Variants in ARHGAP26 observed in about 807,000 individuals in gnomAD.
ARHGAP26 encodes the protein rho GTPase-activating protein 26.
A neutral mutation model predicts 104.8 loss-of-function variants in ARHGAP26; 38 were observed. The observed-to-expected ratio is 0.36, with a 90% CI of 0.28 to 0.48. The LOEUF is 0.48. Among genes scored for constraint, ARHGAP26 ranks in the 20% least tolerant of loss-of-function variants. ARHGAP26 has a pLI of 0.99. For synonymous variants in ARHGAP26, 341 were observed against 340.0 expected (o/e 1.00, Z -0.03); for missense variants, 704 against 947.9 (o/e 0.74, Z 3.38).
intron 1 of ARHGAP26, among the ~76,000 whole-genome samples, chr5:142,782,191 G>A (rs1757654280): frequency 6.6e-6 from 1 of 152,144 alleles, no homozygotes; most frequent in Admixed American, 6.5e-5. Flanking sequence ...GTGTGTGATG[G>A]GGGATACAGA....
At chr5:142,907,878 A>T in intron 9 of ARHGAP26, 74 bp downstream of exon 9, 1 of 999,854 alleles carries the variant, frequency 1.0e-6, no homozygotes, top group Non-Finnish European at 1.5e-6. Context: ...TGTATAAAGT[A>T]ACACCTCCAG....
At chr5:143,094,325 G>T (rs185693074) in intron 17 of ARHGAP26, among the ~76,000 whole-genome samples, 1 of 152,208 alleles carries the variant, frequency 6.6e-6, no homozygotes, top group Non-Finnish European at 1.5e-5. Flanking sequence ...GATCCTTTAA[G>T]CTAGGTTGCT....
At chr5:143,111,304 C>T (rs916929220) in intron 17 of ARHGAP26, among the ~76,000 whole-genome samples, 1 of 152,196 alleles carries the variant, frequency 6.6e-6, no homozygotes, top group African/African-American at 2.4e-5. Flanking sequence ...GTATCTCTCC[C>T]TCTGTCTGTC....
intron 22 of ARHGAP26, chr5:143,216,318 C>G (rs1205430500): frequency 4.2e-6 from 2 of 470,844 alleles, no homozygotes; most frequent in Middle Eastern, 3.3e-4. Context: ...GCCATAACCC[C>G]CTCTTTACAG....
chr5:142,804,798 G>A (rs567165240), intron 1 of ARHGAP26, among the ~76,000 whole-genome samples: 2 of 152,166 alleles, frequency 1.3e-5, no homozygotes, highest in Admixed American at 1.3e-4. Flanking sequence ...GGGCTGAACA[G>A]ATTTTTTTTT....
At chr5:143,048,043 T>C (rs1254264912) in intron 14 of ARHGAP26, among the ~76,000 whole-genome samples, 1 of 152,060 alleles carries the variant, frequency 6.6e-6, no homozygotes, top group African/African-American at 2.4e-5. Context: ...GAGTCAAGGT[T>C]TCACCATGTT....
intron 12 of ARHGAP26, 177 bp downstream of exon 12, chr5:143,014,293 G>A (rs888720250): frequency 1.4e-5 from 9 of 654,908 alleles, no homozygotes; most frequent in East Asian, 1.4e-4. Flanking sequence ...CCAGAGGGAC[G>A]GTAAGTGAGC....
At chr5:143,213,903 T>C (rs960224866) in intron 21 of ARHGAP26, 94 bp from the exon 22 acceptor site, 1 of 767,334 alleles carries the variant, frequency 1.3e-6, no homozygotes, top group Non-Finnish European at 2.1e-6. Flanking sequence ...GGGGACTAGG[T>C]AGCTTACAGG....
chr5:142,847,253 A>G (rs1355810126), intron 1 of ARHGAP26, among the ~76,000 whole-genome samples: 3 of 152,234 alleles, frequency 2.0e-5, no homozygotes, highest in African/African-American at 7.2e-5. Flanking sequence ...TTTTAAAATT[A>G]CTATTATTAG....
At chr5:142,929,397 G>A (rs1463361675) in intron 10 of ARHGAP26, among the ~76,000 whole-genome samples, 3 of 152,330 alleles carry the variant, frequency 2.0e-5, no homozygotes, top group Middle Eastern at 3.4e-3. Context: ...GTGGAGGGTC[G>A]TTGAGGGTTT....
At chr5:142,999,042 A>G (rs1029587741) in intron 11 of ARHGAP26, among the ~76,000 whole-genome samples, 3 of 152,230 alleles carry the variant, frequency 2.0e-5, no homozygotes, top group Non-Finnish European at 4.4e-5. Context: ...AAAGGGGTTC[A>G]TTCATGATGG....
chr5:143,201,054 G>A (rs891197686), intron 20 of ARHGAP26, among the ~76,000 whole-genome samples: 2 of 152,198 alleles, frequency 1.3e-5, no homozygotes, highest in Non-Finnish European at 2.9e-5. Context: ...TTCCTAAACC[G>A]TTATTCTTTC....
intron 17 of ARHGAP26, among the ~76,000 whole-genome samples, chr5:143,073,338 G>C (rs909089260): frequency 6.6e-6 from 1 of 152,178 alleles, no homozygotes; most frequent in African/African-American, 2.4e-5. Flanking sequence ...GGATTTGACA[G>C]CTTGTTGAAA....
At chr5:142,961,236 A>C (rs1050123875) in intron 11 of ARHGAP26, among the ~76,000 whole-genome samples, 1 of 152,136 alleles carries the variant, frequency 6.6e-6, no homozygotes, top group Admixed American at 6.5e-5. Context: ...CATGCCTGTA[A>C]TCTCAGCACT....
chr5:143,163,432 G>GGTTGGTTT (rs1554256716), intron 20 of ARHGAP26, among the ~76,000 whole-genome samples: 5 of 150,604 alleles, frequency 3.3e-5, no homozygotes, highest in African/African-American at 4.9e-5. Context: ...AGGAGTTCTA[G>GGTTGGTTT]GTTTGTTTGT....
intron 11 of ARHGAP26, among the ~76,000 whole-genome samples, chr5:142,960,644 A>G (rs945912904): frequency 1.3e-5 from 2 of 152,134 alleles, no homozygotes; most frequent in African/African-American, 4.8e-5. Context: ...TGTGAAAGAA[A>G]CTCCCATTGA....
intron 1 of ARHGAP26, among the ~76,000 whole-genome samples, chr5:142,854,214 AGT>A (rs1751987842): frequency 6.6e-6 from 1 of 152,218 alleles, no homozygotes; most frequent in South Asian, 2.1e-4. Flanking sequence ...CTGTCTCTAA[AGT>A]GTTTTATTTC....
intron 17 of ARHGAP26, among the ~76,000 whole-genome samples, chr5:143,089,189 T>C (rs1791047974): frequency 1.3e-5 from 2 of 152,264 alleles, no homozygotes; most frequent in South Asian, 4.1e-4. Flanking sequence ...CTTAGTTGTT[T>C]TGCTGGATTT....
chr5:142,941,301 A>T (rs750866627), intron 11 of ARHGAP26, among the ~76,000 whole-genome samples: 1 of 152,042 alleles, frequency 6.6e-6, no homozygotes, highest in East Asian at 1.9e-4. Flanking sequence ...AGTAATAGCC[A>T]TTCTGACTGG....
Sources: gnomAD v4.1 joint callset for allele counts (sites outside exome capture counted in the v4.1 genomes callset) on GRCh38, gnomAD v4.1.1 for gene constraint, MANE v1.5 for transcripts, NCBI Gene and HGNC (gene_info 2026-07-23, HGNC 2026-07-21) for gene names.